The following SF3A3 variants were observed in gnomAD, a reference collection of about 807,000 sequenced individuals.
SF3A3 encodes SAP 61.
SF3A3 carries 9 observed loss-of-function variants against 85.8 expected under a neutral mutation model. The observed-to-expected ratio is 0.10, with a 90% CI of 0.06 to 0.18. The LOEUF (loss-of-function observed/expected upper bound fraction) is 0.18, where lower values mean the gene tolerates loss of function less well. Ranked by LOEUF, SF3A3 falls within the 10% of genes least tolerant of loss-of-function variation. SF3A3 has a pLI of 1.00. For synonymous variants in SF3A3, 195 were observed against 204.4 expected (o/e 0.95, Z 0.39); for missense variants, 306 against 593.3 (o/e 0.52, Z 5.03).
chr1:37,975,044 T>C (rs543518068), intron 12 of SF3A3, among the ~76,000 whole-genome samples: 1 of 151,452 alleles, frequency 6.6e-6, no homozygotes, highest in Admixed American at 6.6e-5. Flanking sequence ...CAAGAGGCTG[T>C]GTCTTATTCA....
intron 4 of SF3A3, 82 bp from the exon 5 acceptor site, chr1:37,984,861 G>A (rs1646444368): frequency 1.7e-6 from 2 of 1,151,596 alleles, no homozygotes; most frequent in Non-Finnish European, 2.6e-6. Context: ...AGGCTGGAGT[G>A]CACTGGCACA....
chr1:37,963,360 T>C (rs941249502), intron 15 of SF3A3, among the ~76,000 whole-genome samples: 3 of 152,018 alleles, frequency 2.0e-5, no homozygotes, highest in East Asian at 1.9e-4. Flanking sequence ...GCAGTAGAAA[T>C]TGAGGTAGAA....
rs1646484315 is a variant in SF3A3, at chr1:37,989,944, G to T, written c.22C>A (p.Gln8Lys). Reference sequence around the variant, plus strand: ...TCCTTCTCCTCATGATAGCGCCGCTGCTGCTCCAGTATTGTCTCCATCTTC... The same window carrying T: ...TCCTTCTCCTCATGATAGCGCCGCTTCTGCTCCAGTATTGTCTCCATCTTC... METILEQ[Q>K]RRYHEEKERL... Residue 8 changes from glutamine to lysine, a missense_variant, in exon 1 of 17, where the codon CAG becomes AAG. Gln to Lys is a moderately conservative substitution (Grantham distance 53, BLOSUM62 1). Coordinates refer to ENST00000373019, the MANE Select transcript of SF3A3 (RefSeq NM_006802.4). The T allele has an allele frequency of 6.2e-7, 1 of 1,612,480 alleles. No homozygotes were observed. The highest frequency in any genetic ancestry group is 8.5e-7 in the Non-Finnish European group (1 of 1,179,674).
chr1:37,979,390 T>C, intron 9 of SF3A3, 75 bp downstream of exon 9: 1 of 1,118,874 alleles, frequency 8.9e-7, no homozygotes, highest in Non-Finnish European at 1.3e-6. Context: ...AACCATGGTA[T>C]TAAAGACAGG....
At position 37,987,540 on chromosome 1, in the gene SF3A3, A is replaced by C; in HGVS notation, c.303+33T>G. ...CTTTCCTTTAGTATGCTTTAAGGAT[A>C]GGTCTGGAGAAAATACTTTTCTGAG... On this transcript the variant is annotated intron_variant, in intron 4 of 16. Transcript: ENST00000373019. 3 of 1,435,300 alleles carry C rather than the reference A, an allele frequency of 2.1e-6. No homozygotes were observed. In the South Asian group the frequency reaches 3.4e-5, roughly 16 times the overall value. The allele number at this position is 1,435,300 out of a possible 1,614,324, so 88.9% of individuals were successfully genotyped here.
chr1:37,980,325 G>A (rs1460018526), intron 8 of SF3A3, among the ~76,000 whole-genome samples: 6 of 152,174 alleles, frequency 3.9e-5, no homozygotes, highest in African/African-American at 1.4e-4. Flanking sequence ...TCGGGAGGCT[G>A]AGGCAGGAGA....
intron 1 of SF3A3, 68 bp downstream of exon 1, chr1:37,989,802 C>A: frequency 7.3e-7 from 1 of 1,372,402 alleles, no homozygotes. Context: ...CCAAAGCAAG[C>A]TCTCAGAGGT....
intron 4 of SF3A3, among the ~76,000 whole-genome samples, chr1:37,985,614 G>C (rs1223229527): frequency 6.6e-6 from 1 of 152,060 alleles, no homozygotes; most frequent in Non-Finnish European, 1.5e-5. Context: ...TAAAAGACTT[G>C]CGTCTGACAT....
At chr1:37,958,380 A>G (rs1646234614) in intron 16 of SF3A3, 117 bp from the exon 17 acceptor site, 1 of 742,752 alleles carries the variant, frequency 1.3e-6, no homozygotes. Flanking sequence ...TGGTACACTA[A>G]GATTGGCATT....
chr1:37,967,176 A>G (rs1018151154), intron 15 of SF3A3, among the ~76,000 whole-genome samples: 1 of 119,056 alleles, frequency 8.4e-6, no homozygotes, highest in African/African-American at 3.2e-5. Flanking sequence ...GAATTGCTTG[A>G]GCCCAGGAGA....
At position 37,957,563 on chromosome 1, in the gene SF3A3, C is replaced by T. The variant is rs28507204; in HGVS notation, c.*623G>A. ...GTCTCACTATGTTACCTAGGCTAGT[C>T]TCAAGCAACCCTCCTGCCTCAGCCT... On this transcript the variant is annotated 3_prime_UTR_variant, in exon 17 of 17. Coordinates refer to ENST00000373019, the MANE Select transcript of SF3A3 (RefSeq NM_006802.4). The T allele has an allele frequency of 6.7e-6, 1 of 148,310 alleles. No individual in the cohort carries two copies. 9.2% of individuals were successfully genotyped at this position (148,310 alleles called of 1,614,324 possible).
At chr1:37,987,032 C>T (rs1434521555) in intron 4 of SF3A3, among the ~76,000 whole-genome samples, 1 of 152,050 alleles carries the variant, frequency 6.6e-6, no homozygotes, top group Admixed American at 6.6e-5. Context: ...GCCCTAGTAC[C>T]CATACTGTGC....
At chr1:37,959,141 C>T (rs1287534360) in intron 16 of SF3A3, among the ~76,000 whole-genome samples, 1 of 144,276 alleles carries the variant, frequency 6.9e-6, no homozygotes, top group Admixed American at 7.1e-5. Flanking sequence ...TGCAATGGTG[C>T]GATCACAGCT....
intron 12 of SF3A3, among the ~76,000 whole-genome samples, chr1:37,976,210 G>A (rs908013557): frequency 6.6e-6 from 1 of 151,070 alleles, no homozygotes; most frequent in African/African-American, 2.4e-5. Context: ...CTGGTCTTCT[G>A]AAGGACTCCA....
chr1:37,960,320 G>T, intron 15 of SF3A3, 145 bp from the exon 16 acceptor site: 1 of 678,550 alleles, frequency 1.5e-6, no homozygotes, highest in African/African-American at 1.8e-5. Flanking sequence ...CAGAGTTTTG[G>T]TTCTGGACCA....
chr1:37,988,554 C>T (rs1646470950), intron 2 of SF3A3, among the ~76,000 whole-genome samples: 1 of 152,052 alleles, frequency 6.6e-6, no homozygotes, highest in African/African-American at 2.4e-5. Context: ...CAAATAATCA[C>T]CCAAGGGGAA....
intron 11 of SF3A3, among the ~76,000 whole-genome samples, chr1:37,978,449 CT>C (rs372253456): frequency 0.091 from 13,788 of 152,148 alleles, 782 homozygotes; most frequent in Middle Eastern, 0.24. Flanking sequence ...CCTATTTAGC[CT>C]TTTAGCCTCC....
Position 37,958,094 on chromosome 1 carries a change from G to C in SF3A3, c.*92C>G. 1.2e-6 allele frequency: 1 copy of C among 834,814 alleles called. No individual in the cohort carries two copies. Among genetic ancestry groups the C allele is most frequent in the South Asian group, 1.4e-5 (1 of 73,760 alleles). The allele number at this position is 834,814 out of a possible 1,614,324, so 51.7% of individuals were successfully genotyped here. On this transcript the variant is annotated 3_prime_UTR_variant, in exon 17 of 17. Transcript: ENST00000373019. ...CTAGACCATGAGACTACATAGCAAA[G>C]GGTCTTTAAGAGGATTTGGTTGGGA...
At chr1:37,961,180 GAT>G (rs1646255094) in intron 15 of SF3A3, among the ~76,000 whole-genome samples, 1 of 152,206 alleles carries the variant, frequency 6.6e-6, no homozygotes, top group African/African-American at 2.4e-5. Context: ...TAAAGCCTAA[GAT>G]GGGTGAATGA....
Sources: gnomAD v4.1 joint callset for allele counts (sites outside exome capture counted in the v4.1 genomes callset) on GRCh38, gnomAD v4.1.1 for gene constraint, MANE v1.5 for transcripts, NCBI Gene and HGNC (gene_info 2026-07-23, HGNC 2026-07-21) for gene names.